The following NCKAP5 variants were observed in gnomAD, a reference collection of about 807,000 sequenced individuals.
The protein encoded by NCKAP5 is NCK associated protein 5, also known as nck-associated protein 5.
In NCKAP5, 92 loss-of-function variants were observed where a neutral mutation model predicts 167.0. The observed-to-expected ratio is 0.55, with a 90% CI of 0.47 to 0.66. The LOEUF (loss-of-function observed/expected upper bound fraction) is 0.66, where lower values mean the gene tolerates loss of function less well. Ranked by LOEUF, NCKAP5 falls within the 30% of genes least tolerant of loss-of-function variation. The pLI is 0.00. For synonymous variants in NCKAP5, 891 were observed against 877.4 expected (o/e 1.02, Z -0.27); for missense variants, 2,378 against 2,315.0 (o/e 1.03, Z -0.56).
At chr2:132,681,424 T>C (rs551350841) in intron 19 of NCKAP5, among the ~76,000 whole-genome samples, 4 of 152,116 alleles carry the variant, frequency 2.6e-5, no homozygotes, top group African/African-American at 9.6e-5. Context: ...AGCCGGGCCA[T>C]GGCAGGCTTA....
At chr2:132,832,695 G>A (rs956777974) in intron 11 of NCKAP5, among the ~76,000 whole-genome samples, 1 of 152,118 alleles carries the variant, frequency 6.6e-6, no homozygotes, top group Non-Finnish European at 1.5e-5. Context: ...GAGAAGACAT[G>A]ATTTCATTCT....
intron 5 of NCKAP5, among the ~76,000 whole-genome samples, chr2:133,162,347 C>T (rs1282036391): frequency 6.6e-6 from 1 of 152,152 alleles, no homozygotes; most frequent in Non-Finnish European, 1.5e-5. Context: ...TGTGGAAAAA[C>T]ATTTTGAATT....
chr2:133,436,445 G>T (rs1690485838), intron 3 of NCKAP5, among the ~76,000 whole-genome samples: 1 of 152,212 alleles, frequency 6.6e-6, no homozygotes, highest in South Asian at 2.1e-4. Context: ...AGCACCACAG[G>T]GCTCTTTACA....
chr2:133,168,114 G>C (rs1333524345), intron 5 of NCKAP5, among the ~76,000 whole-genome samples: 1 of 152,008 alleles, frequency 6.6e-6, no homozygotes, highest in Non-Finnish European at 1.5e-5. Flanking sequence ...GAAAATGCAG[G>C]CCTGAAGAGG....
chr2:133,306,965 A>G (rs1285999919), intron 3 of NCKAP5, among the ~76,000 whole-genome samples: 2 of 152,106 alleles, frequency 1.3e-5, no homozygotes, highest in Non-Finnish European at 2.9e-5. Flanking sequence ...AAAAATAAAC[A>G]CCCATATCCA....
At chr2:133,162,946 C>T (rs1273742693) in intron 5 of NCKAP5, among the ~76,000 whole-genome samples, 2 of 152,084 alleles carry the variant, frequency 1.3e-5, no homozygotes, top group African/African-American at 2.4e-5. Flanking sequence ...AAAGATGGCA[C>T]TAGAGAACTA....
At chr2:133,362,522 G>C (rs1393173102) in intron 3 of NCKAP5, among the ~76,000 whole-genome samples, 1 of 152,114 alleles carries the variant, frequency 6.6e-6, no homozygotes, top group East Asian at 1.9e-4. Flanking sequence ...GCATTTAGAA[G>C]TTACAAGTCA....
In NCKAP5 at chr2:133,517,506, A is replaced by G. The variant is rs1467463048; in HGVS notation, c.21T>C (p.Leu7=). The G allele has an allele frequency of 6.5e-7, 1 of 1,538,608 alleles. No homozygotes were observed. Among genetic ancestry groups the G allele is most frequent in the Non-Finnish European group, 8.8e-7 (1 of 1,138,890 alleles). Residue 7 remains leucine, a synonymous_variant, in exon 3 of 20, where the codon CTT becomes CTC. Coordinates refer to ENST00000409261, the MANE Select transcript of NCKAP5 (RefSeq NM_207363.3). ...GCCTTTTTCCAAAGTCCCTTTTCTC[A>G]AGCTGTCTCTTTCCCTCCATGGATG... MEGKRQ[L]EKRDFGKRLS...
At chr2:133,373,199 A>G (rs1026579022) in intron 3 of NCKAP5, among the ~76,000 whole-genome samples, 6 of 152,080 alleles carry the variant, frequency 3.9e-5, no homozygotes, top group Non-Finnish European at 7.4e-5. Context: ...AGCTGGAACT[A>G]CAGGTGTGGC....
intron 4 of NCKAP5, among the ~76,000 whole-genome samples, chr2:133,235,508 G>A (rs911831618): frequency 1.5e-4 from 23 of 152,002 alleles, no homozygotes; most frequent in African/African-American, 4.8e-4. Context: ...AGGCAGAGGC[G>A]GTGGATCGCT....
intron 11 of NCKAP5, among the ~76,000 whole-genome samples, chr2:132,798,391 G>A (rs1684772002): frequency 6.6e-6 from 1 of 152,144 alleles, no homozygotes. Flanking sequence ...GATTGAGAGA[G>A]TGCCAAAAGA....
At chr2:132,863,821 C>T (rs1473568761) in intron 10 of NCKAP5, among the ~76,000 whole-genome samples, 1 of 152,182 alleles carries the variant, frequency 6.6e-6, no homozygotes, top group Non-Finnish European at 1.5e-5. Context: ...CAGAGAGTTG[C>T]CTTCCCAAGA....
intron 3 of NCKAP5, among the ~76,000 whole-genome samples, chr2:133,479,340 A>G (rs1272514423): frequency 6.6e-6 from 1 of 152,250 alleles, no homozygotes; most frequent in Non-Finnish European, 1.5e-5. Context: ...TACTGTTACA[A>G]TCACTTTGCT....
chr2:133,372,384 T>C (rs1458215738), intron 3 of NCKAP5, among the ~76,000 whole-genome samples: 1 of 152,124 alleles, frequency 6.6e-6, no homozygotes, highest in African/African-American at 2.4e-5. Context: ...ATGGGAAAAA[T>C]AGAACTATGT....
chr2:133,197,950 GA>G (rs57452714), intron 5 of NCKAP5, among the ~76,000 whole-genome samples: 2 of 149,218 alleles, frequency 1.3e-5, no homozygotes, highest in Admixed American at 6.7e-5. Context: ...CTCCATCTCA[GA>G]AAAAAAAAGA....
the NCKAP5 span, among the ~76,000 whole-genome samples, chr2:133,588,989 G>T: frequency 6.6e-6 from 1 of 152,166 alleles, no homozygotes; most frequent in African/African-American, 2.4e-5. Flanking sequence ...GGTTGTGGAG[G>T]TCACATGGCC....
At chr2:133,647,911 A>G in the NCKAP5 span, among the ~76,000 whole-genome samples, 19 of 152,286 alleles carry the variant, frequency 1.2e-4, 1 homozygote, top group African/African-American at 4.6e-4. Context: ...TTAAATGCAA[A>G]TGGATTAGAC....
chr2:133,072,545 T>A (rs2080451779), intron 6 of NCKAP5, among the ~76,000 whole-genome samples: 1 of 152,156 alleles, frequency 6.6e-6, no homozygotes, highest in African/African-American at 2.4e-5. Flanking sequence ...TTACAAGGAC[T>A]CTATATGTAC....
At chr2:133,131,979 G>A (rs898273858) in intron 5 of NCKAP5, among the ~76,000 whole-genome samples, 1 of 149,522 alleles carries the variant, frequency 6.7e-6, no homozygotes, top group Non-Finnish European at 1.5e-5. Context: ...AAAAAAAAAT[G>A]TACGCTAAAT....
Sources: allele counts gnomAD v4.1 joint callset (sites outside exome capture counted in the v4.1 genomes callset), GRCh38; gene constraint gnomAD v4.1.1; transcripts MANE v1.5; gene names NCBI Gene and HGNC (gene_info 2026-07-23, HGNC 2026-07-21).